KIAA0825: variants seen among roughly 807,000 people sequenced by gnomAD.
KIAA0825 encodes KIAA0825.
KIAA0825 carries 119 observed loss-of-function variants against 147.6 expected under a neutral mutation model. The ratio of observed to expected loss-of-function variants is 0.81; its 90% CI spans 0.69 to 0.94. The LOEUF (loss-of-function observed/expected upper bound fraction) is 0.94, where lower values mean the gene tolerates loss of function less well. Among genes scored for constraint, KIAA0825 ranks in the 40% least tolerant of loss-of-function variants. The pLI is 0.00. For missense variants in KIAA0825, 1,381 were observed against 1,472.7 expected, an observed-to-expected ratio of 0.94 and a Z score of 1.02; for synonymous variants, 470 against 518.1, an observed-to-expected ratio of 0.91 and a Z score of 1.26.
At chr5:94,534,272 G>T (rs1460549786) in intron 3 of KIAA0825, among the ~76,000 whole-genome samples, 2 of 152,060 alleles carry the variant, frequency 1.3e-5, no homozygotes, top group African/African-American at 4.8e-5. Context: ...TTTTCTAAAA[G>T]CTATTCTGTT....
At chr5:94,503,961 C>T (rs555702601) in intron 5 of KIAA0825, among the ~76,000 whole-genome samples, 2 of 152,304 alleles carry the variant, frequency 1.3e-5, no homozygotes, top group East Asian at 1.9e-4. Flanking sequence ...AAGCCTATGA[C>T]TCCAGCCTGT....
chr5:94,569,722 C>T (rs185842560), intron 2 of KIAA0825: 5 of 298,736 alleles, frequency 1.7e-5, no homozygotes, highest in East Asian at 5.5e-5. Context: ...ATGCTTCAAC[C>T]GCCTTCTCAT....
At chr5:94,577,361 A>AG (rs1300323281) in intron 2 of KIAA0825, among the ~76,000 whole-genome samples, 1 of 152,240 alleles carries the variant, frequency 6.6e-6, no homozygotes, top group Non-Finnish European at 1.5e-5. Context: ...AGTATCAAAG[A>AG]GGACAATGTT....
chr5:94,615,475 G>A (rs1286684460), intron 1 of KIAA0825: 8 of 152,154 alleles, frequency 5.3e-5, no homozygotes, highest in Admixed American at 2.0e-4. Flanking sequence ...ATGACTATGC[G>A]TAACCTACGA....
intron 1 of KIAA0825, among the ~76,000 whole-genome samples, chr5:94,592,091 C>G (rs1442155854): frequency 6.6e-6 from 1 of 152,170 alleles, no homozygotes; most frequent in Non-Finnish European, 1.5e-5. Flanking sequence ...AATCTCATGT[C>G]CTCACATTTC....
chr5:94,615,356 C>T (rs914382810), intron 1 of KIAA0825, among the ~76,000 whole-genome samples: 2 of 152,150 alleles, frequency 1.3e-5, no homozygotes, highest in African/African-American at 4.8e-5. Flanking sequence ...AGCTTTTGCA[C>T]ACATTTAGCA....
At chr5:94,170,447 G>C (rs780267454) in intron 20 of KIAA0825, among the ~76,000 whole-genome samples, 7 of 152,160 alleles carry the variant, frequency 4.6e-5, no homozygotes, top group Non-Finnish European at 7.4e-5. Flanking sequence ...TATCATTTTT[G>C]CTACTTGGGG....
chr5:94,606,992 A>C (rs1190828494), intron 1 of KIAA0825, among the ~76,000 whole-genome samples: 1 of 152,184 alleles, frequency 6.6e-6, no homozygotes, highest in Non-Finnish European at 1.5e-5. Flanking sequence ...GCACCAAGCC[A>C]TTCATGAGGG....
intron 9 of KIAA0825, among the ~76,000 whole-genome samples, chr5:94,470,431 A>C (rs1761073368): frequency 6.6e-6 from 1 of 152,212 alleles, no homozygotes; most frequent in Non-Finnish European, 1.5e-5. Context: ...TCAGTGCATT[A>C]TTTAGGCATT....
intron 5 of KIAA0825, among the ~76,000 whole-genome samples, chr5:94,513,571 T>G (rs1006942041): frequency 5.3e-5 from 8 of 152,170 alleles, no homozygotes; most frequent in African/African-American, 1.9e-4. Flanking sequence ...CCCAATATAC[T>G]TTCCATTTTT....
intron 20 of KIAA0825, among the ~76,000 whole-genome samples, chr5:94,311,736 G>A (rs1232259270): frequency 6.6e-6 from 1 of 151,568 alleles, no homozygotes; most frequent in Non-Finnish European, 1.5e-5. Flanking sequence ...CTCTCCTTAC[G>A]AGCCAATCCA....
At chr5:94,582,933 A>G (rs1782487744) in intron 1 of KIAA0825, among the ~76,000 whole-genome samples, 1 of 152,228 alleles carries the variant, frequency 6.6e-6, no homozygotes, top group African/African-American at 2.4e-5. Context: ...AAGCAATGTT[A>G]TTCAATCCAA....
intron 20 of KIAA0825, among the ~76,000 whole-genome samples, chr5:94,360,574 T>G (rs1033136723): frequency 6.6e-6 from 1 of 152,194 alleles, no homozygotes; most frequent in Admixed American, 6.5e-5. Context: ...AAGTAATCTC[T>G]GGTCATCCTC....
intron 1 of KIAA0825, among the ~76,000 whole-genome samples, chr5:94,613,777 C>A (rs1468641559): frequency 6.6e-6 from 1 of 152,182 alleles, no homozygotes; most frequent in African/African-American, 2.4e-5. Flanking sequence ...AAGGGGGTGC[C>A]CTTTTCTAAT....
At chr5:94,214,895 G>A (rs186371275) in intron 20 of KIAA0825, among the ~76,000 whole-genome samples, 1 of 152,106 alleles carries the variant, frequency 6.6e-6, no homozygotes, top group East Asian at 1.9e-4. Context: ...AACAAAATAA[G>A]AAAAAATAGA....
Position 94,153,567 on chromosome 5 carries a change from G to A in KIAA0825, c.*440C>T, listed in dbSNP as rs1766757475. ...GGATAGTAAAGGCAATTAAAATTGG[G>A]ACTTGGGCTACAGCTACAACAAAAT... On this transcript the variant is annotated 3_prime_UTR_variant, in exon 21 of 21. Coordinates refer to ENST00000682413, the MANE Select transcript of KIAA0825 (RefSeq NM_001145678.3). The A allele has an allele frequency of 6.6e-6, 1 of 152,482 alleles. No homozygotes were observed. The highest frequency in any genetic ancestry group is 6.5e-5 in the Admixed American group (1 of 15,282). The allele number at this position is 152,482 out of a possible 1,614,324, so 9.4% of individuals were successfully genotyped here. A position where few individuals can be genotyped will look rare whatever the true frequency, so the allele number is the denominator to read the frequency against.
chr5:94,546,953 AG>A (rs1774532712), intron 2 of KIAA0825, among the ~76,000 whole-genome samples: 1 of 152,064 alleles, frequency 6.6e-6, no homozygotes, highest in Non-Finnish European at 1.5e-5. Context: ...GGAAAATCAA[AG>A]AAATTCAAGA....
At chr5:94,426,977 T>C (rs1754968877) in intron 14 of KIAA0825, among the ~76,000 whole-genome samples, 1 of 152,194 alleles carries the variant, frequency 6.6e-6, no homozygotes, top group African/African-American at 2.4e-5. Flanking sequence ...GATAGTACTT[T>C]TTCTTCCCTC....
At chr5:94,522,385 T>C (rs1584767959) in intron 4 of KIAA0825, among the ~76,000 whole-genome samples, 1 of 151,820 alleles carries the variant, frequency 6.6e-6, no homozygotes, top group Non-Finnish European at 1.5e-5. Context: ...TACTGTAAAT[T>C]CTATAAAGCA....
Sources: gnomAD v4.1 joint callset for allele counts (sites outside exome capture counted in the v4.1 genomes callset) on GRCh38, gnomAD v4.1.1 for gene constraint, MANE v1.5 for transcripts, NCBI Gene and HGNC (gene_info 2026-07-23, HGNC 2026-07-21) for gene names.